KCNJ6: variants seen among roughly 807,000 people sequenced by gnomAD.
KCNJ6 encodes the protein potassium inwardly rectifying channel subfamily J member 6, also known as G protein-activated inward rectifier potassium channel 2.
In KCNJ6, 9 loss-of-function variants were observed where a neutral mutation model predicts 34.2. The ratio of observed to expected loss-of-function variants is 0.26; its 90% CI spans 0.16 to 0.46. The LOEUF (loss-of-function observed/expected upper bound fraction) is 0.46, where lower values mean the gene tolerates loss of function less well. Among genes scored for constraint, KCNJ6 ranks in the 20% least tolerant of loss-of-function variants. The pLI is 1.00. For synonymous variants in KCNJ6, 196 were observed against 207.1 expected (o/e 0.95, Z 0.46); for missense variants, 236 against 531.3 (o/e 0.44, Z 5.46).
At chr21:37,746,278 G>A (rs1038123003) in intron 2 of KCNJ6, among the ~76,000 whole-genome samples, 1 of 152,186 alleles carries the variant, frequency 6.6e-6, no homozygotes, top group Middle Eastern at 3.2e-3. Flanking sequence ...GTTAAGGAAA[G>A]CAGGAGTGGC....
At position 37,617,037 on chromosome 21, in the gene KCNJ6, TTTC is replaced by T. The variant is rs2054271853; in HGVS notation, c.*8119_*8121del. On this transcript the variant is annotated 3_prime_UTR_variant, in exon 4 of 4. Transcript: ENST00000609713. ...CTTTCTTTCTTTCTTTCTTTCTTTC[TTTC>T]TTTCTTTCTTTCTTTTCTTTTCTTT... The T allele has an allele frequency of 1.1e-4, 1 of 8,962 alleles. No individual in the cohort carries two copies. The highest frequency in any genetic ancestry group is 4.1e-4 in the African/African-American group (1 of 2,422). The allele number at this position is 8,962 out of a possible 1,614,324, so 0.6% of individuals were successfully genotyped here. A position where few individuals can be genotyped will look rare whatever the true frequency, so the allele number is the denominator to read the frequency against.
intron 3 of KCNJ6, among the ~76,000 whole-genome samples, chr21:37,683,395 G>C (rs2054598665): frequency 6.6e-6 from 1 of 152,280 alleles, no homozygotes; most frequent in South Asian, 2.1e-4. Flanking sequence ...AAAGAGAGCA[G>C]CTTGAATAAA....
At chr21:37,705,237 C>G (rs1426957116) in intron 3 of KCNJ6, among the ~76,000 whole-genome samples, 4 of 152,154 alleles carry the variant, frequency 2.6e-5, no homozygotes, top group Non-Finnish European at 4.4e-5. Context: ...GTAGGCTCCT[C>G]TAGAGGGGCA....
intron 1 of KCNJ6, among the ~76,000 whole-genome samples, chr21:37,845,929 G>C (rs943634923): frequency 6.6e-6 from 1 of 151,926 alleles, no homozygotes; most frequent in Non-Finnish European, 1.5e-5. Context: ...ACTTAAAGTC[G>C]TATTGTTGTA....
At chr21:37,736,419 C>G (rs1358119969) in intron 2 of KCNJ6, among the ~76,000 whole-genome samples, 1 of 152,166 alleles carries the variant, frequency 6.6e-6, no homozygotes, top group Non-Finnish European at 1.5e-5. Context: ...TGTTTTGGAA[C>G]ATGATGGAGT....
intron 3 of KCNJ6, among the ~76,000 whole-genome samples, chr21:37,645,406 C>G (rs1055239763): frequency 6.6e-6 from 1 of 152,016 alleles, no homozygotes; most frequent in Admixed American, 6.6e-5. Context: ...AAAAACCAAA[C>G]AAGCTCCTTA....
chr21:37,707,735 G>GTGTGTGTATATGTGTGCATGTGT (rs1267356647), intron 3 of KCNJ6, among the ~76,000 whole-genome samples: 18 of 149,676 alleles, frequency 1.2e-4, no homozygotes, highest in Admixed American at 2.0e-4. Context: ...GTGTGTGTGT[G>GTGTGTGTATATGTGTGCATGTGT]AATAATTTAC....
At chr21:37,670,497 G>C (rs146702265) in intron 3 of KCNJ6, among the ~76,000 whole-genome samples, 2 of 152,252 alleles carry the variant, frequency 1.3e-5, no homozygotes, top group Non-Finnish European at 2.9e-5. Flanking sequence ...GAGTGCAGTG[G>C]CTCACACCTG....
At chr21:37,685,262 A>G (rs1166320484) in intron 3 of KCNJ6, among the ~76,000 whole-genome samples, 1 of 152,094 alleles carries the variant, frequency 6.6e-6, no homozygotes. Context: ...AAATAGGTAG[A>G]CAAAGGCGTG....
rs540987658 is a variant in KCNJ6, at chr21:37,679,868, A to G, written c.946+34343T>C. On this transcript the variant is annotated intron_variant, in intron 3 of 3. Coordinates refer to ENST00000609713, the MANE Select transcript of KCNJ6 (RefSeq NM_002240.5). ...CATGGTTGGAAAAATCTTCAACATT[A>G]ACCTGGAAGAGCTTTACCAAACATC... 3.3e-5 allele frequency among the ~76,000 whole-genome samples: 5 copies of G among 152,354 alleles called. No homozygotes were observed. In the South Asian group the frequency reaches 8.3e-4, roughly 25 times the overall value.
intron 2 of KCNJ6, among the ~76,000 whole-genome samples, chr21:37,811,374 A>G (rs1345300819): frequency 6.6e-6 from 1 of 152,242 alleles, no homozygotes; most frequent in Non-Finnish European, 1.5e-5. Flanking sequence ...CCCCAGGTTT[A>G]TAGCCAGTCA....
At chr21:37,658,455 T>C (rs934478293) in intron 3 of KCNJ6, among the ~76,000 whole-genome samples, 2 of 152,264 alleles carry the variant, frequency 1.3e-5, no homozygotes, top group Non-Finnish European at 2.9e-5. Context: ...TTTGCTAGAA[T>C]GTTGCAGCAA....
chr21:37,649,518 G>A (rs896900157), intron 3 of KCNJ6, among the ~76,000 whole-genome samples: 14 of 152,214 alleles, frequency 9.2e-5, no homozygotes, highest in Non-Finnish European at 5.9e-5. Context: ...GCTTTCTGTA[G>A]TGGGAGGCTG....
At chr21:37,777,218 A>G (rs1222681640) in intron 2 of KCNJ6, among the ~76,000 whole-genome samples, 2 of 151,886 alleles carry the variant, frequency 1.3e-5, no homozygotes, top group African/African-American at 4.8e-5. Context: ...TTTTTATTGC[A>G]GCTATTTGAT....
intron 1 of KCNJ6, among the ~76,000 whole-genome samples, chr21:37,876,472 T>C (rs997453520): frequency 5.9e-5 from 9 of 152,162 alleles, no homozygotes; most frequent in African/African-American, 1.7e-4. Context: ...TTTTGCATCA[T>C]CATAGTCATT....
At chr21:37,711,800 C>G (rs576343178) in intron 3 of KCNJ6, among the ~76,000 whole-genome samples, 2 of 148,950 alleles carry the variant, frequency 1.3e-5, no homozygotes, top group African/African-American at 5.0e-5. Context: ...TTCTAGAACC[C>G]CCCCCCCAAG....
intron 2 of KCNJ6, among the ~76,000 whole-genome samples, chr21:37,789,234 G>A (rs2055205886): frequency 1.3e-5 from 2 of 152,180 alleles, no homozygotes; most frequent in African/African-American, 4.8e-5. Context: ...AGTGAATTGT[G>A]TTCCCCCACA....
chr21:37,657,160 G>C (rs2054468121), intron 3 of KCNJ6, among the ~76,000 whole-genome samples: 1 of 152,170 alleles, frequency 6.6e-6, no homozygotes, highest in Non-Finnish European at 1.5e-5. Flanking sequence ...CGGTCCCCAG[G>C]TATCTGGGAC....
chr21:37,716,216 A>G (rs1311721302), intron 2 of KCNJ6, among the ~76,000 whole-genome samples: 7 of 152,148 alleles, frequency 4.6e-5, no homozygotes, highest in African/African-American at 1.4e-4. Context: ...GTATGCATGC[A>G]TTGTACTTTA....
Sources: allele counts gnomAD v4.1 joint callset (sites outside exome capture counted in the v4.1 genomes callset), GRCh38; gene constraint gnomAD v4.1.1; transcripts MANE v1.5; gene names NCBI Gene and HGNC (gene_info 2026-07-23, HGNC 2026-07-21).